FA2H: variants seen among roughly 807,000 people sequenced by gnomAD.
The protein encoded by FA2H is fatty acid alpha-hydroxylase.
In FA2H, 22 loss-of-function variants were observed where a neutral mutation model predicts 44.9. The observed-to-expected ratio is 0.49, with a 90% CI of 0.35 to 0.70. The LOEUF (loss-of-function observed/expected upper bound fraction) is 0.70, where lower values mean the gene tolerates loss of function less well. FA2H is among the 30% of genes least tolerant of loss of function. The pLI is 0.01. For synonymous variants in FA2H, 243 were observed against 213.2 expected, an observed-to-expected ratio of 1.14 and a Z score of -1.22; for missense variants, 501 against 504.9, an observed-to-expected ratio of 0.99 and a Z score of 0.07.
At chr16:74,758,525 C>T (rs1339557434) in intron 1 of FA2H, among the ~76,000 whole-genome samples, 1 of 152,080 alleles carries the variant, frequency 6.6e-6, no homozygotes, top group Non-Finnish European at 1.5e-5. Flanking sequence ...TTTTATTCAA[C>T]TATCCTATCC....
At chr16:74,734,472 GCCAAAGCAC>G (rs1962142400) in intron 2 of FA2H, among the ~76,000 whole-genome samples, 1 of 152,234 alleles carries the variant, frequency 6.6e-6, no homozygotes, top group Admixed American at 6.5e-5. Context: ...AGTGGATTCG[GCCAAAGCAC>G]CTTGTGCCGA....
chr16:74,722,931 A>G (rs1432677607), intron 4 of FA2H, among the ~76,000 whole-genome samples: 2 of 148,702 alleles, frequency 1.3e-5, no homozygotes, highest in East Asian at 4.1e-4. Flanking sequence ...AAAAAAAAAA[A>G]AAATCTGTCT....
At chr16:74,748,458 C>T (rs191439108) in intron 1 of FA2H, among the ~76,000 whole-genome samples, 1 of 152,240 alleles carries the variant, frequency 6.6e-6, no homozygotes, top group Non-Finnish European at 1.5e-5. Context: ...ACAGGCGGCC[C>T]GAATGACTTA....
intron 3 of FA2H, among the ~76,000 whole-genome samples, 200 bp from the exon 4 acceptor site, chr16:74,726,531 G>C (rs1260615474): frequency 2.0e-5 from 3 of 152,172 alleles, no homozygotes; most frequent in African/African-American, 7.2e-5. Flanking sequence ...TGGGATTACA[G>C]GCATGTGCCA....
chr16:74,716,230 C>G (rs1243168704), intron 6 of FA2H, 117 bp downstream of exon 6: 1 of 1,200,556 alleles, frequency 8.3e-7, no homozygotes, highest in Admixed American at 2.0e-5. Context: ...AGAGGGAACC[C>G]TCTGTATATG....
At chr16:74,772,147 C>G (rs560572876) in intron 1 of FA2H, among the ~76,000 whole-genome samples, 6 of 152,184 alleles carry the variant, frequency 3.9e-5, no homozygotes, top group Non-Finnish European at 7.3e-5. Context: ...TGGCCTCCCC[C>G]CACATCCCTG....
chr16:74,726,993 A>G (rs946881094), intron 3 of FA2H, among the ~76,000 whole-genome samples: 15 of 152,234 alleles, frequency 9.9e-5, no homozygotes, highest in Non-Finnish European at 1.2e-4. Context: ...GAAACTCCTC[A>G]TAAGAGTCTG....
chr16:74,736,480 T>C (rs1427267474), intron 2 of FA2H, among the ~76,000 whole-genome samples: 1 of 152,162 alleles, frequency 6.6e-6, no homozygotes, highest in African/African-American at 2.4e-5. Flanking sequence ...TCTCAGTGAC[T>C]GATCTGGGGG....
chr16:74,756,467 G>A (rs1184075890), intron 1 of FA2H, among the ~76,000 whole-genome samples: 1 of 152,132 alleles, frequency 6.6e-6, no homozygotes, highest in Admixed American at 6.5e-5. Flanking sequence ...AGGGCCCAGG[G>A]CAAGCCCGGC....
rs1483927178 is a variant in FA2H, at chr16:74,740,015, C to A, written c.363+8G>T. 1 of 1,606,010 alleles carries A rather than the reference C, an allele frequency of 6.2e-7. No homozygotes were observed. The highest frequency in any genetic ancestry group is 1.3e-5 in the African/African-American group (1 of 74,748). On this transcript the variant is annotated splice_region_variant and intron_variant, in intron 2 of 6. Transcript: ENST00000219368. ...AGTCATCACCCCACTCCATCCTATG[C>A]CAGGTACCTTGTCCCAATCCACCAC...
At chr16:74,752,022 G>A (rs1962534452) in intron 1 of FA2H, among the ~76,000 whole-genome samples, 2 of 152,158 alleles carry the variant, frequency 1.3e-5, no homozygotes, top group Admixed American at 1.3e-4. Flanking sequence ...AGTTGCTCAA[G>A]CCAAAACCTT....
intron 1 of FA2H, among the ~76,000 whole-genome samples, chr16:74,772,229 G>A (rs1962923591): frequency 1.3e-5 from 2 of 152,166 alleles, no homozygotes; most frequent in African/African-American, 4.8e-5. Flanking sequence ...CTTCCTGCCA[G>A]AGCCTTCACA....
chr16:74,731,985 A>G (rs1293105912), intron 2 of FA2H, among the ~76,000 whole-genome samples: 1 of 152,206 alleles, frequency 6.6e-6, no homozygotes, highest in East Asian at 1.9e-4. Flanking sequence ...CAATTCTCCC[A>G]CCTCAGCTTC....
intron 4 of FA2H, among the ~76,000 whole-genome samples, chr16:74,720,180 C>CTTTTTTTTTTTTTTTTTTTTTT (rs56341013): frequency 6.4e-5 from 3 of 47,198 alleles, no homozygotes; most frequent in Admixed American, 3.4e-4. Context: ...CATCCTCATC[C>CTTTTTTTTTTTTTTTTTTTTTT]TTTTTTTTTT....
intron 1 of FA2H, among the ~76,000 whole-genome samples, chr16:74,762,615 C>A (rs903928571): frequency 1.3e-5 from 2 of 152,174 alleles, no homozygotes; most frequent in Non-Finnish European, 2.9e-5. Context: ...ACTGCAACCT[C>A]CGCCTCCCTG....
chr16:74,720,842 G>A (rs2144608946), intron 4 of FA2H, among the ~76,000 whole-genome samples: 1 of 152,294 alleles, frequency 6.6e-6, no homozygotes, highest in South Asian at 2.1e-4. Context: ...ATGACATATG[G>A]TCTTTTATGA....
chr16:74,729,172 G>A lies in FA2H; in HGVS notation c.364-1786C>T, dbSNP rs1020258552. ...ATTACAGGCACATGCCACCTCGCCC[G>A]CTAATTTTTTGTATTTTAGTAGACA... On this transcript the variant is annotated intron_variant, in intron 2 of 6. Transcript: ENST00000219368. Among the ~76,000 whole-genome samples the A allele has an allele frequency of 3.9e-5, 6 of 152,050 alleles. No homozygotes were observed. In the South Asian group the frequency reaches 6.2e-4, roughly 16 times the overall value.
chr16:74,743,959 G>A (rs1009340153), intron 1 of FA2H, among the ~76,000 whole-genome samples: 1 of 152,032 alleles, frequency 6.6e-6, no homozygotes, highest in Non-Finnish European at 1.5e-5. Flanking sequence ...TTCATTAATC[G>A]ATTTTCTCAA....
chr16:74,718,945 G>T, intron 5 of FA2H, 43 bp downstream of exon 5: 2 of 1,608,264 alleles, frequency 1.2e-6, no homozygotes, highest in Non-Finnish European at 1.7e-6. Context: ...GGCCCTCTCG[G>T]GCTGCACATG....
Sources: gnomAD v4.1 joint callset for allele counts (sites outside exome capture counted in the v4.1 genomes callset) on GRCh38, gnomAD v4.1.1 for gene constraint, MANE v1.5 for transcripts, NCBI Gene and HGNC (gene_info 2026-07-23, HGNC 2026-07-21) for gene names.